Variants in COL6A3 observed in about 807,000 individuals in gnomAD.
COL6A3 encodes the protein collagen type VI alpha 3 chain.
In COL6A3, 137 loss-of-function variants were observed where a neutral mutation model predicts 274.1. The observed-to-expected ratio is 0.50, with a 90% CI of 0.44 to 0.58. The LOEUF is 0.58. Among genes scored for constraint, COL6A3 ranks in the 20% least tolerant of loss-of-function variants. The pLI is 0.00. For missense variants in COL6A3, 3,950 were observed against 4,124.9 expected (o/e 0.96, Z 1.16); for synonymous variants, 1,650 against 1,650.6 (o/e 1.00, Z 0.01).
At chr2:237,409,022 C>T (rs940379226) in intron 1 of COL6A3, among the ~76,000 whole-genome samples, 1 of 152,106 alleles carries the variant, frequency 6.6e-6, no homozygotes. Flanking sequence ...AAAGGCTTGT[C>T]CCCCTTGAAA....
intron 16 of COL6A3, among the ~76,000 whole-genome samples, chr2:237,360,463 C>T (rs539795860): frequency 2.0e-5 from 3 of 152,158 alleles, no homozygotes; most frequent in African/African-American, 4.8e-5. Flanking sequence ...TGCTGAATCC[C>T]GGGAAGACCC....
intron 12 of COL6A3, 78 bp downstream of exon 12, chr2:237,365,620 T>C (rs2077532379): frequency 5.5e-6 from 7 of 1,278,218 alleles, no homozygotes; most frequent in South Asian, 1.2e-5. Flanking sequence ...GGATTTAACT[T>C]GGGGGAAGGG....
chr2:237,338,266 G>A (rs1700651347), intron 39 of COL6A3, among the ~76,000 whole-genome samples: 1 of 152,162 alleles, frequency 6.6e-6, no homozygotes, highest in Admixed American at 6.5e-5. Context: ...CAGGTCACCT[G>A]GTGAACAAAC....
At chr2:237,330,512 T>C (rs2106305743) in intron 42 of COL6A3, among the ~76,000 whole-genome samples, 1 of 152,286 alleles carries the variant, frequency 6.6e-6, no homozygotes, top group South Asian at 2.1e-4. Context: ...AAAATACAAA[T>C]ATTAACCACT....
At chr2:237,336,585 A>C in intron 39 of COL6A3, 53 bp from the exon 40 acceptor site, 1 of 1,581,448 alleles carries the variant, frequency 6.3e-7, no homozygotes, top group East Asian at 2.2e-5. Flanking sequence ...TCTAAAATAA[A>C]TAAAGACATA....
At chr2:237,338,930 A>G (rs1351989537) in intron 39 of COL6A3, 85 bp downstream of exon 39, 43 of 1,008,576 alleles carry the variant, frequency 4.3e-5, no homozygotes, top group East Asian at 3.1e-4. Context: ...CAAGGTCCTC[A>G]TCCCATAAAG....
Position 237,336,225 on chromosome 2 carries a change from C to T in COL6A3, c.8875G>A (p.Ala2959Thr), listed in dbSNP as rs774645319. The change falls in exon 40 of 44, where the codon GCT becomes ACT. Residue 2959 changes from alanine to threonine, a missense_variant. By Grantham distance (58) the Ala-to-Thr change is moderately conservative. Around this residue, in one of 5 missense-constraint regions of COL6A3, gnomAD observed 1,284 missense variants for 1,349.7 expected, o/e 0.95. Transcript: ENST00000295550. ...PAAVRPPAAA[A>T]AKPVATKPEV... Reference sequence around the variant, plus strand: ...GGCTTGGTCGCCACTGGTTTTGCAGCAGCAGCAGCGGGGGGTCTTACAGCT... The same window carrying T: ...GGCTTGGTCGCCACTGGTTTTGCAGTAGCAGCAGCGGGGGGTCTTACAGCT... 4 of 1,613,688 alleles carry T rather than the reference C, an allele frequency of 2.5e-6. No homozygotes were observed. Among genetic ancestry groups the T allele is most frequent in the Middle Eastern group, 1.7e-4 (1 of 6,054 alleles).
In COL6A3 at chr2:237,407,712, T is replaced by G. The variant is rs1262756502; in HGVS notation, c.-31+6241A>C. On this transcript the variant is annotated intron_variant, in intron 1 of 43. Transcript: ENST00000295550. The surrounding 1 kb of genome is among the most constrained non-coding windows in gnomAD (Gnocchi z 4.3). Reference sequence around the variant, plus strand: ...ACCATGAGGCAGAAAGTTCCATATCTGGTGTGATTTGAAAAGCTAGACGCC... The same window carrying G: ...ACCATGAGGCAGAAAGTTCCATATCGGGTGTGATTTGAAAAGCTAGACGCC... Among the ~76,000 whole-genome samples, 1 of 152,216 alleles carries G rather than the reference T, an allele frequency of 6.6e-6. No individual in the cohort carries two copies. The highest frequency in any genetic ancestry group is 1.5e-5 in the Non-Finnish European group (1 of 68,038).
intron 28 of COL6A3, among the ~76,000 whole-genome samples, chr2:237,349,095 C>G (rs1306498267): frequency 6.6e-6 from 1 of 151,962 alleles, no homozygotes; most frequent in Non-Finnish European, 1.5e-5. Context: ...CATATTCCCC[C>G]TCCCCATATC....
At chr2:237,347,243 C>CT (rs113949145) in intron 31 of COL6A3, among the ~76,000 whole-genome samples, 2,796 of 152,114 alleles carry the variant, frequency 0.018, 103 homozygotes, top group African/African-American at 0.063. Flanking sequence ...CCACTGCACT[C>CT]CGCCCAGATG....
chr2:237,339,993 T>G (rs1358681721), intron 38 of COL6A3, among the ~76,000 whole-genome samples: 1 of 152,262 alleles, frequency 6.6e-6, no homozygotes, highest in African/African-American at 2.4e-5. Context: ...GGGAGCCCCA[T>G]GAGCAAAGAC....
At position 237,388,248 on chromosome 2, in the gene COL6A3, A is replaced by G; in HGVS notation, c.710-64T>C. The stretch of plus-strand genomic sequence containing the variant: ...GAACAAGTGACCACATGCATTATTC[A>G]GTGTTCTGACATGTTTCTTTGGAAA... On this transcript the variant is annotated intron_variant, in intron 3 of 43. Transcript: ENST00000295550. 3 of 1,604,428 alleles carry G rather than the reference A, an allele frequency of 1.9e-6. No individual in the cohort carries two copies. In the South Asian group the frequency reaches 3.3e-5, roughly 18 times the overall value.
chr2:237,368,019 T>G lies in COL6A3; in HGVS notation c.4900+544A>C, dbSNP rs35970577. ...TAATGGTTTGCTTCAGATGTCTACA[T>G]GGCGATTACTTGGAGGAGGGACAAA... is the stretch of plus-strand genomic sequence containing the variant. On this transcript the variant is annotated intron_variant, in intron 10 of 43. Transcript: ENST00000295550. This position sits in a 1 kb window ranked among gnomAD's most constrained non-coding sequence, Gnocchi z 4.4. 0.19 allele frequency among the ~76,000 whole-genome samples: 29,417 copies of G among 152,188 alleles called. 3,072 individuals are homozygous for G. The highest frequency in any genetic ancestry group is 0.27 in the Admixed American group (4,194 of 15,288).
rs548567274 is a variant in COL6A3 at position 237,364,721 on chromosome 2, C to T, written c.5839-293G>A. ...AGATGTAGTTTCTGCGAATCATATG[C>T]ATATGTGTGCATGCATGTGTGCGTG... On this transcript the variant is annotated intron_variant, in intron 12 of 43. Transcript: ENST00000295550. The surrounding 1 kb of genome is among the most constrained non-coding windows in gnomAD (Gnocchi z 4.6). Among the ~76,000 whole-genome samples the T allele has an allele frequency of 4.6e-5, 7 of 151,382 alleles. No homozygotes were observed. The highest frequency in any genetic ancestry group is 3.9e-4 in the East Asian group (2 of 5,128).
In COL6A3 at chr2:237,352,577, G is replaced by C. The variant is rs1404049902; in HGVS notation, c.6698C>G (p.Ala2233Gly). Residue 2233 changes from alanine to glycine, a missense_variant, in exon 26 of 44, where the codon GCT becomes GGT. This residue lies in a region of COL6A3 where 1,284 missense variants were observed against 1,349.7 expected (regional missense o/e 0.95). Transcript: ENST00000295550. ...EQGTRGAQGPAGPAGPPGLIG... is the reference protein window; with the variant it reads ...EQGTRGAQGPGGPAGPPGLIG... ...CAGCCCTGGAGGACCAGCAGGACCA[G>C]CTGGGCCCTGAGGAAGGAAAAGACC... The C allele has an allele frequency of 1.2e-6, 2 of 1,613,644 alleles. No individual in the cohort carries two copies. Among genetic ancestry groups the C allele is most frequent in the Non-Finnish European group, 1.7e-6 (2 of 1,179,790 alleles).
At chr2:237,356,456 G>C (rs1465882346) in intron 23 of COL6A3, among the ~76,000 whole-genome samples, 1 of 152,112 alleles carries the variant, frequency 6.6e-6, no homozygotes, top group Non-Finnish European at 1.5e-5. Flanking sequence ...GATGCCCATA[G>C]TCCATCAATT....
At chr2:237,394,198 A>G (rs1398814862) in intron 3 of COL6A3, among the ~76,000 whole-genome samples, 1 of 152,116 alleles carries the variant, frequency 6.6e-6, no homozygotes. Flanking sequence ...CAGTTCACGC[A>G]CTCTCCAACA....
chr2:237,333,142 C>T (rs1472412127), intron 42 of COL6A3: 2 of 439,380 alleles, frequency 4.6e-6, no homozygotes, highest in East Asian at 8.8e-5. Flanking sequence ...GCATCACAGA[C>T]CACAAATCAA....
rs765954144 is a variant in COL6A3, at chr2:237,358,578, A to T, written c.6414T>A (p.Asp2138Glu). Reference sequence around the variant, plus strand: ...CTCCTTTCTCTCCTCGAGGTCCTTTATCACCCTAAAGAAAAAGCACAAGTG... The same window carrying T: ...CTCCTTTCTCTCCTCGAGGTCCTTTTTCACCCTAAAGAAAAAGCACAAGTG... Reference protein sequence around the residue: ...GEKGNPGRRGDKGPRGEKGER... With the variant: ...GEKGNPGRRGEKGPRGEKGER... The change falls in exon 21 of 44, where the codon GAT (aspartate) becomes GAA (glutamate). Residue 2138 changes from aspartate (D) to glutamate (E), a missense_variant. Physicochemically the swap from Asp to Glu is conservative, Grantham distance 45 (BLOSUM62 2). Transcript: ENST00000295550. The T allele has an allele frequency of 6.2e-7, 1 of 1,613,692 alleles. No individual in the cohort carries two copies.
Sources: allele counts gnomAD v4.1 joint callset (sites outside exome capture counted in the v4.1 genomes callset), GRCh38; gene constraint gnomAD v4.1.1; regional missense constraint gnomAD v4.1.1; non-coding constraint Gnocchi (gnomAD v3.1); transcripts MANE v1.5; gene names NCBI Gene and HGNC (gene_info 2026-07-23, HGNC 2026-07-21).